Variants in TTLL11 observed in about 807,000 individuals in gnomAD.
TTLL11 encodes tubulin polyglutamylase TTLL11.
TTLL11 carries 42 observed loss-of-function variants against 51.7 expected under a neutral mutation model. That is an observed-to-expected ratio of 0.81 (90% CI 0.64 to 1.05). TTLL11 has a LOEUF of 1.05. TTLL11 is among the 50% of genes least tolerant of loss of function. TTLL11 has a pLI of 0.00. For missense variants in TTLL11, 799 were observed against 940.4 expected (o/e 0.85, Z 1.97); for synonymous variants, 381 against 383.5 (o/e 0.99, Z 0.08).
chr9:121,972,616 G>C (rs1159647134), intron 6 of TTLL11, among the ~76,000 whole-genome samples: 1 of 152,260 alleles, frequency 6.6e-6, no homozygotes, highest in African/African-American at 2.4e-5. Flanking sequence ...CATCCAGCCT[G>C]ACTCAGACTA....
intron 8 of TTLL11, among the ~76,000 whole-genome samples, chr9:121,845,517 T>C (rs983609041): frequency 2.0e-5 from 3 of 152,222 alleles, no homozygotes; most frequent in East Asian, 1.9e-4. Context: ...AAATGTTTTT[T>C]CTTAATTTTA....
At chr9:122,070,591 C>A (rs771014190) in intron 1 of TTLL11, among the ~76,000 whole-genome samples, 2 of 152,150 alleles carry the variant, frequency 1.3e-5, no homozygotes, top group East Asian at 3.9e-4. Flanking sequence ...TACTACCCAG[C>A]AAAGGTCTTG....
At chr9:122,069,858 G>C (rs892674380) in intron 1 of TTLL11, among the ~76,000 whole-genome samples, 29 of 152,028 alleles carry the variant, frequency 1.9e-4, no homozygotes, top group African/African-American at 6.8e-4. Context: ...CCAGAGGACA[G>C]AGAGAGGAGA....
intron 1 of TTLL11, among the ~76,000 whole-genome samples, chr9:122,041,317 A>C (rs959386439): frequency 6.6e-6 from 1 of 152,206 alleles, no homozygotes; most frequent in Non-Finnish European, 1.5e-5. Flanking sequence ...AGCTAACATC[A>C]TACTCAATGG....
intron 6 of TTLL11, among the ~76,000 whole-genome samples, chr9:121,882,956 C>A (rs1252562538): frequency 4.6e-5 from 7 of 152,112 alleles, no homozygotes; most frequent in African/African-American, 9.7e-5. Context: ...GTTCTTCTGG[C>A]AGTACTGTAC....
chr9:121,998,671 C>T (rs939105917), intron 3 of TTLL11, among the ~76,000 whole-genome samples: 2 of 152,016 alleles, frequency 1.3e-5, no homozygotes, highest in African/African-American at 4.8e-5. Flanking sequence ...GTGCTCTTTT[C>T]GCTAAACTAG....
intron 8 of TTLL11, among the ~76,000 whole-genome samples, chr9:121,844,509 T>C (rs10818602): frequency 0.67 from 101,877 of 152,024 alleles, 34,549 homozygotes; most frequent in East Asian, 0.77. Flanking sequence ...AAATATACAG[T>C]GCAAAGAGAC....
In TTLL11 at chr9:121,928,872, T is replaced by C. The variant is rs575975443; in HGVS notation, c.1481+45137A>G. ...CAAGTGTGAGCTACCACACCCCCTT[T>C]GAGTTTGTAAAAATGCTATTCATTT... On this transcript the variant is annotated intron_variant, in intron 6 of 8. Coordinates refer to ENST00000321582, the MANE Select transcript of TTLL11 (RefSeq NM_001139442.2). Among the ~76,000 whole-genome samples, 362 of 152,286 alleles carry C rather than the reference T, an allele frequency of 2.4e-3. 1 individual carries two copies. The highest frequency in any genetic ancestry group is 8.2e-3 in the African/African-American group (339 of 41,556).
chr9:121,819,124 T>G lies in TTLL11; in HGVS notation c.*3463A>C, dbSNP rs1836496037. 6.6e-6 allele frequency: 1 copy of G among 152,584 alleles called. No homozygotes were observed. Among genetic ancestry groups the G allele is most frequent in the East Asian group, 1.9e-4 (1 of 5,204 alleles). The allele number at this position is 152,584 out of a possible 1,614,324, so 9.5% of individuals were successfully genotyped here. ...TGCTCTCTCCTGGAGGCCCTGCCTC[T>G]GCCCACTGGGAGGGGTCTGTTGGGA... On this transcript the variant is annotated 3_prime_UTR_variant, in exon 9 of 9. Coordinates refer to ENST00000321582, the MANE Select transcript of TTLL11 (RefSeq NM_001139442.2).
At chr9:121,885,020 C>A (rs1244269600) in intron 6 of TTLL11, 1 of 152,212 alleles carries the variant, frequency 6.6e-6, no homozygotes, top group Non-Finnish European at 1.5e-5. Flanking sequence ...TCTCTGCCCC[C>A]AGAAGTCTTC....
intron 6 of TTLL11, among the ~76,000 whole-genome samples, chr9:121,943,488 G>A (rs182123852): frequency 3.9e-5 from 6 of 152,222 alleles, no homozygotes; most frequent in Non-Finnish European, 2.9e-5. Flanking sequence ...TTATTTTACC[G>A]AGGGACAAAA....
rs1403753424 is a variant in TTLL11, at chr9:121,818,865, T to A, written c.*3722A>T. On this transcript the variant is annotated 3_prime_UTR_variant, in exon 9 of 9. Coordinates refer to ENST00000321582, the MANE Select transcript of TTLL11 (RefSeq NM_001139442.2). Reference sequence around the variant, plus strand: ...CAGGGGTCAGGTGCGGGCCTTAGGATGGAAAGAAGGGAAGGGTGCCGATAA... The same window carrying A: ...CAGGGGTCAGGTGCGGGCCTTAGGAAGGAAAGAAGGGAAGGGTGCCGATAA... The A allele has an allele frequency of 1.3e-5, 2 of 152,548 alleles. No homozygotes were observed. The highest frequency in any genetic ancestry group is 2.9e-5 in the Non-Finnish European group (2 of 68,432). The allele number at this position is 152,548 out of a possible 1,614,324, so 9.4% of individuals were successfully genotyped here. A position where few individuals can be genotyped will look rare whatever the true frequency, so the allele number is the denominator to read the frequency against.
At chr9:122,057,532 G>T (rs372642831) in intron 1 of TTLL11, among the ~76,000 whole-genome samples, 172 of 152,164 alleles carry the variant, frequency 1.1e-3, no homozygotes, top group African/African-American at 4.0e-3. Flanking sequence ...TCGCCATGTT[G>T]GCCGGGGTGG....
chr9:121,991,419 G>A (rs911941824), intron 3 of TTLL11, among the ~76,000 whole-genome samples: 2 of 152,180 alleles, frequency 1.3e-5, no homozygotes, highest in Non-Finnish European at 2.9e-5. Flanking sequence ...CTTCCACTGA[G>A]GCTTTCTTGC....
chr9:121,899,398 T>C (rs7852373), intron 6 of TTLL11, among the ~76,000 whole-genome samples: 1,589 of 78,272 alleles, frequency 0.02, 43 homozygotes, highest in African/African-American at 0.052. Context: ...TATATATATA[T>C]ATATACACAC....
rs7852560 is a variant in TTLL11, at chr9:121,818,294, G to A, written c.*4293C>T. ...TGTTTACGGACACAGGACAGCTGCC[G>A]TGTCCCAGGGAGCCAACAAGGCAGC... On this transcript the variant is annotated 3_prime_UTR_variant, in exon 9 of 9. Transcript: ENST00000321582. 59,703 of 152,176 alleles carry A rather than the reference G, an allele frequency of 0.39. 12,571 individuals are homozygous for A. Among genetic ancestry groups the A allele is most frequent in the African/African-American group, 0.55 (22,659 of 41,494 alleles). 9.4% of individuals were successfully genotyped at this position (152,176 alleles called of 1,614,324 possible).
At position 121,930,348 on chromosome 9, in the gene TTLL11, T is replaced by A. The variant is rs1840917136; in HGVS notation, c.1481+43661A>T. ...TTCTTCAAAGCACTTGGCCTCTATT[T>A]GAGCTCTTTTACTCAAATAGTTTGA... is the stretch of plus-strand genomic sequence containing the variant. On this transcript the variant is annotated intron_variant, in intron 6 of 8. Transcript: ENST00000321582. Among the ~76,000 whole-genome samples, 4 of 152,234 alleles carry A rather than the reference T, an allele frequency of 2.6e-5. No individual in the cohort carries two copies. In the South Asian group the frequency reaches 8.3e-4, roughly 31 times the overall value.
Position 121,995,101 on chromosome 9 carries a change from T to C in TTLL11, c.694-5331A>G, listed in dbSNP as rs1843213115. On this transcript the variant is annotated intron_variant, in intron 3 of 8. Coordinates refer to ENST00000321582, the MANE Select transcript of TTLL11 (RefSeq NM_001139442.2). This position sits in a 1 kb window ranked among gnomAD's most constrained non-coding sequence, Gnocchi z 4.4. ...AGAGAGGTTTGTGGTCCCTGGGAAA[T>C]GTGTCTGGAGCTTGGGAGAGAGATC... is the stretch of plus-strand genomic sequence containing the variant. 6.6e-6 allele frequency among the ~76,000 whole-genome samples: 1 copy of C among 152,038 alleles called. No homozygotes were observed. Among genetic ancestry groups the C allele is most frequent in the Admixed American group, 6.5e-5 (1 of 15,268 alleles).
intron 1 of TTLL11, among the ~76,000 whole-genome samples, chr9:122,091,959 T>TA (rs1161642323): frequency 6.6e-6 from 1 of 152,186 alleles, no homozygotes; most frequent in African/African-American, 2.4e-5. Flanking sequence ...GCCTGGAATA[T>TA]AAAATACAGT....
Sources: allele counts gnomAD v4.1 joint callset (sites outside exome capture counted in the v4.1 genomes callset), GRCh38; gene constraint gnomAD v4.1.1; non-coding constraint Gnocchi (gnomAD v3.1); transcripts MANE v1.5; gene names NCBI Gene and HGNC (gene_info 2026-07-23, HGNC 2026-07-21).